The following TTC14 variants were observed in gnomAD, a reference collection of about 807,000 sequenced individuals.
TTC14 encodes the protein tetratricopeptide repeat protein 14.
TTC14 carries 63 observed loss-of-function variants against 79.9 expected under a neutral mutation model. That is an observed-to-expected ratio of 0.79 (90% confidence interval 0.64 to 0.97). TTC14 has a LOEUF of 0.97. TTC14 is among the 50% of genes least tolerant of loss of function. The pLI is 0.00. For synonymous variants in TTC14, 335 were observed against 309.6 expected (o/e 1.08, Z -0.86); for missense variants, 895 against 894.0 (o/e 1.00, Z -0.01).
chr3:180,611,147 A>ATAAG (rs943508833), downstream of TTC14: 8 of 985,400 alleles, frequency 8.1e-6, no homozygotes, highest in Middle Eastern at 5.2e-4. Context: ...TCCACCCAGC[A>ATAAG]TAAGTGCCTT....
Position 180,610,960 on chromosome 3 carries a change from C to T in TTC14, c.*418C>T, listed in dbSNP as rs189893353. The T allele has an allele frequency of 2.4e-5, 23 of 960,004 alleles. No individual in the cohort carries two copies. Among genetic ancestry groups the T allele is most frequent in the Middle Eastern group, 5.3e-4 (1 of 1,876 alleles). 59.5% of individuals were successfully genotyped at this position (960,004 alleles called of 1,614,324 possible). ...TTTTCTTTTCTGTTAAATTAAAAAT[C>T]GTCAGCTTTTGAAAGATTATATGTT... On this transcript the variant is annotated 3_prime_UTR_variant, in exon 12 of 12. Coordinates refer to ENST00000296015, the MANE Select transcript of TTC14 (RefSeq NM_133462.4).
At chr3:180,608,550 T>C (rs1004686052) in intron 10 of TTC14, 151 bp from the exon 11 acceptor site, 3 of 1,262,236 alleles carry the variant, frequency 2.4e-6, no homozygotes, top group Non-Finnish European at 3.0e-6. Context: ...CTAATTTTTT[T>C]ATGTTAAAAA....
At chr3:180,602,811 T>A in intron 1 of TTC14, 80 bp from the exon 2 acceptor site, 1 of 1,475,560 alleles carries the variant, frequency 6.8e-7, no homozygotes, top group Non-Finnish European at 9.1e-7. Context: ...GAATGGGCGA[T>A]GAAAGCCATA....
chr3:180,612,460 C>G (rs969197864), downstream of TTC14, among the ~76,000 whole-genome samples: 3 of 152,140 alleles, frequency 2.0e-5, no homozygotes, highest in African/African-American at 7.2e-5. Context: ...ATTCATGATT[C>G]AGACCTCAAA....
intron 1 of TTC14, 35 bp downstream of exon 1, chr3:180,602,457 A>C: frequency 6.4e-7 from 1 of 1,562,466 alleles, no homozygotes; most frequent in Non-Finnish European, 8.6e-7. Flanking sequence ...GCCACGGAAG[A>C]GGGGACGCAG....
intron 4 of TTC14, 83 bp downstream of exon 4, chr3:180,604,392 G>A: frequency 6.5e-7 from 1 of 1,544,468 alleles, no homozygotes; most frequent in South Asian, 1.2e-5. Flanking sequence ...CAGTCTAAGA[G>A]GGTAGTGTTT....
chr3:180,606,743 G>C (rs1328586165), intron 9 of TTC14, 140 bp downstream of exon 9: 2 of 1,073,738 alleles, frequency 1.9e-6, no homozygotes, highest in Admixed American at 3.0e-5. Flanking sequence ...AAGTACAAGA[G>C]ATTAGGCAAA....
intron 11 of TTC14, 53 bp downstream of exon 11, chr3:180,608,863 C>T: frequency 2.2e-6 from 3 of 1,356,084 alleles, no homozygotes; most frequent in Non-Finnish European, 2.9e-6. Context: ...TGAATTGAAC[C>T]CAAAGTGCCA....
chr3:180,615,985 A>T (rs1346583670), downstream of TTC14, among the ~76,000 whole-genome samples: 1 of 152,182 alleles, frequency 6.6e-6, no homozygotes, highest in Non-Finnish European at 1.5e-5. Flanking sequence ...CAAATGCTAG[A>T]TGTAGCCCCC....
At chr3:180,617,392 T>C in exon 13 of TTC14, 1 of 636,892 alleles carries the variant, frequency 1.6e-6, no homozygotes, top group Non-Finnish European at 2.8e-6. Context: ...TACTCCTATT[T>C]ATTTAAAAAG....
exon 13 of TTC14, chr3:180,617,637 TAGAA>T (rs781751411): frequency 4.9e-6 from 2 of 406,556 alleles, no homozygotes; most frequent in Admixed American, 4.3e-5. Flanking sequence ...AAACTAAAAA[TAGAA>T]AAATGCTTAG....
In TTC14 at chr3:180,609,715, T is replaced by G. The variant is rs772147546; in HGVS notation, c.1486T>G (p.Ser496Ala). Residue 496 changes from serine (S) to alanine (A), a missense_variant, in exon 12 of 12, where the codon TCT (serine) becomes GCT (alanine). Transcript: ENST00000296015. ...ESVSSSSSSS[S>A]SGHKRHKKHK... Reference sequence around the variant, plus strand: ...AGTGTCTTCATCATCATCCTCTTCCTCTTCTGGTCACAAAAGGCATAAGAA... The same window carrying G: ...AGTGTCTTCATCATCATCCTCTTCCGCTTCTGGTCACAAAAGGCATAAGAA... 1 of 1,613,244 alleles carries G rather than the reference T, an allele frequency of 6.2e-7. No individual in the cohort carries two copies. Among genetic ancestry groups the G allele is most frequent in the South Asian group, 1.1e-5 (1 of 90,808 alleles).
chr3:180,610,509 T>G lies in TTC14; in HGVS notation c.2280T>G (p.Phe760Leu). The G allele has an allele frequency of 5.7e-6, 9 of 1,578,918 alleles. No homozygotes were observed. The highest frequency in any genetic ancestry group is 7.7e-6 in the Non-Finnish European group (9 of 1,169,298). ...ATATATTTAATCAGATAGCTGAATT[T>G]GAAAAAGAAAAAGGAAATAAGTCAA... ...LLNIFNQIAE[F>L]EKEKGNKSKN The change falls in exon 12 of 12, where the codon TTT (phenylalanine) becomes TTG (leucine). Residue 760 changes from phenylalanine (F) to leucine (L), a missense_variant. Coordinates refer to ENST00000296015, the MANE Select transcript of TTC14 (RefSeq NM_133462.4).
intron 9 of TTC14, among the ~76,000 whole-genome samples, chr3:180,607,328 A>G (rs1158121734): frequency 6.6e-6 from 1 of 152,178 alleles, no homozygotes; most frequent in East Asian, 1.9e-4. Context: ...TACTAGGGAA[A>G]AAAGCCTGCT....
chr3:180,609,368 C>G, intron 11 of TTC14: 1 of 1,130,408 alleles, frequency 8.8e-7, no homozygotes, highest in Non-Finnish European at 1.1e-6. Context: ...GTTCAGTAGT[C>G]TTAAGTTTTT....
At position 180,602,215 on chromosome 3, in the gene TTC14, C is replaced by T. The variant is rs751432916; in HGVS notation, c.-47C>T. 3 of 1,604,788 alleles carry T rather than the reference C, an allele frequency of 1.9e-6. No homozygotes were observed. The highest frequency in any genetic ancestry group is 4.5e-5 in the East Asian group (2 of 44,854). ...CCCGGCTCAAGTAGCGGACACGGAA[C>T]AGGGAACTATCAGCCCGTCGGCCTC... On this transcript the variant is annotated 5_prime_UTR_variant, in exon 1 of 12. Coordinates refer to ENST00000296015, the MANE Select transcript of TTC14 (RefSeq NM_133462.4).
Position 180,607,691 on chromosome 3 carries a change from A to G in TTC14, c.1216A>G (p.Lys406Glu). 6.2e-7 allele frequency: 1 copy of G among 1,611,014 alleles called. No homozygotes were observed. Residue 406 changes from lysine (K) to glutamate (E), a missense_variant, in exon 10 of 12, where the codon AAG (lysine) becomes GAG (glutamate). Coordinates refer to ENST00000296015, the MANE Select transcript of TTC14 (RefSeq NM_133462.4). ...EKFLNAESYY[K>E]KALALDETFK... ...GTTTTTAAATGCTGAAAGTTACTAT[A>G]AGAAAGCTTTGGCTTTGGATGAGAC...
Position 180,602,401 on chromosome 3 carries a change from C to T in TTC14, c.140C>T (p.Pro47Leu). The T allele has an allele frequency of 6.2e-7, 1 of 1,607,850 alleles. No individual in the cohort carries two copies. The highest frequency in any genetic ancestry group is 8.5e-7 in the Non-Finnish European group (1 of 1,179,200). ...SAAEPARGPPPQHPLQGRKEK... is the reference protein window; with the variant it reads ...SAAEPARGPPLQHPLQGRKEK... ...GCCGAGCCAGCCCGGGGCCCGCCGC[C>T]CCAGCACCCGTTGCAGGGCAGGTAA... The change falls in exon 1 of 12, where the codon CCC becomes CTC. Residue 47 changes from proline (P) to leucine (L), a missense_variant. Coordinates refer to ENST00000296015, the MANE Select transcript of TTC14 (RefSeq NM_133462.4).
intron 11 of TTC14, 81 bp downstream of exon 11, chr3:180,608,891 A>G (rs1048435772): frequency 7.8e-7 from 1 of 1,281,380 alleles, no homozygotes; most frequent in South Asian, 2.8e-5. Context: ...GGTAAAGTAA[A>G]TAAAAATATG....
Sources: allele counts gnomAD v4.1 joint callset (sites outside exome capture counted in the v4.1 genomes callset), GRCh38; gene constraint gnomAD v4.1.1; transcripts MANE v1.5; gene names NCBI Gene and HGNC (gene_info 2026-07-23, HGNC 2026-07-21).